SLC14A2: variants seen among roughly 807,000 people sequenced by gnomAD.
SLC14A2 encodes solute carrier family 14 member 2, also known as urea transporter 2.
In SLC14A2, 91 loss-of-function variants were observed where a neutral mutation model predicts 104.6. The observed-to-expected ratio is 0.87, with a 90% confidence interval of 0.73 to 1.04. The LOEUF (loss-of-function observed/expected upper bound fraction) is 1.04, where lower values mean the gene tolerates loss of function less well. Among genes scored for constraint, SLC14A2 ranks in the 50% least tolerant of loss-of-function variants. The probability of loss-of-function intolerance (pLI) is 0.00; values close to 1 mark genes in which losing one functional copy is unlikely to be tolerated. For synonymous variants in SLC14A2, 476 were observed against 466.4 expected (o/e 1.02, Z -0.27); for missense variants, 1,189 against 1,156.0 (o/e 1.03, Z -0.41).
intron 1 of SLC14A2, among the ~76,000 whole-genome samples, chr18:45,394,720 T>A (rs1419393832): frequency 6.6e-6 from 1 of 152,154 alleles, no homozygotes; most frequent in Non-Finnish European, 1.5e-5. Context: ...TTGTTGTTGT[T>A]GTTGAGTTGT....
intron 1 of SLC14A2, among the ~76,000 whole-genome samples, chr18:45,244,493 G>A (rs576020936): frequency 4.3e-4 from 65 of 152,222 alleles, no homozygotes; most frequent in Middle Eastern, 6.8e-3. Context: ...CGGGCGTGGT[G>A]GCACACCCTG....
At chr18:45,286,506 A>C (rs11660485) in intron 1 of SLC14A2, among the ~76,000 whole-genome samples, 12,120 of 152,254 alleles carry the variant, frequency 0.08, 683 homozygotes, top group African/African-American at 0.15. Flanking sequence ...GATGGATAAA[A>C]CTAAGACCAT....
At chr18:45,623,293 G>A (rs749021981) in intron 1 of SLC14A2, among the ~76,000 whole-genome samples, 6 of 152,204 alleles carry the variant, frequency 3.9e-5, no homozygotes, top group Non-Finnish European at 5.9e-5. Flanking sequence ...GTTCACTGGA[G>A]ATGAGAAGGA....
At chr18:45,413,318 C>T (rs190171026) in intron 1 of SLC14A2, among the ~76,000 whole-genome samples, 62 of 152,208 alleles carry the variant, frequency 4.1e-4, no homozygotes, top group South Asian at 2.7e-3. Context: ...CAGAAAAGGA[C>T]TTTTTTTCTT....
At chr18:45,293,349 TG>T (rs1409576177) in intron 1 of SLC14A2, among the ~76,000 whole-genome samples, 1 of 152,076 alleles carries the variant, frequency 6.6e-6, no homozygotes, top group African/African-American at 2.4e-5. Flanking sequence ...TTGCAGGTAC[TG>T]GGGGAAAAGT....
At chr18:45,412,938 G>T (rs114379194) in intron 1 of SLC14A2, among the ~76,000 whole-genome samples, 10 of 152,264 alleles carry the variant, frequency 6.6e-5, no homozygotes, top group African/African-American at 2.4e-4. Context: ...AGATCTTCTG[G>T]TTTTTCAAGA....
intron 1 of SLC14A2, among the ~76,000 whole-genome samples, chr18:45,215,156 A>C (rs999547908): frequency 2.0e-5 from 3 of 152,158 alleles, no homozygotes; most frequent in African/African-American, 7.2e-5. Context: ...CCATTGTGCC[A>C]GGAAAAAAAT....
Position 45,644,180 on chromosome 18 carries a change from G to A in SLC14A2, c.1351+20G>A, listed in dbSNP as rs1200766768. On this transcript the variant is annotated intron_variant, in intron 10 of 19. Coordinates refer to ENST00000255226, the MANE Select transcript of SLC14A2 (RefSeq NM_007163.4). ...CCAGCGGTGAATAGCCATGTTCGGG[G>A]AAGAAACGCTCTTTGCCTGACCTGA... The A allele has an allele frequency of 6.2e-7, 1 of 1,612,994 alleles. No homozygotes were observed. The highest frequency in any genetic ancestry group is 1.1e-5 in the South Asian group (1 of 90,962).
chr18:45,638,005 T>C lies in SLC14A2; in HGVS notation c.843+823T>C, dbSNP rs529117001. 3.9e-5 allele frequency among the ~76,000 whole-genome samples: 6 copies of C among 152,238 alleles called. No individual in the cohort carries two copies. In the South Asian group the frequency reaches 1.2e-3, roughly 32 times the overall value. The stretch of plus-strand genomic sequence containing the variant: ...ATAGATCCCAGCGGAGGAAGCTTCA[T>C]TCTAAACCCAGGCTCCATTCCAAGG... On this transcript the variant is annotated intron_variant, in intron 6 of 19. Transcript: ENST00000255226.
chr18:45,302,677 A>T (rs1467405996), intron 1 of SLC14A2, among the ~76,000 whole-genome samples: 3 of 152,254 alleles, frequency 2.0e-5, no homozygotes, highest in African/African-American at 7.2e-5. Context: ...CTATTATTGA[A>T]AGAAAAATAA....
chr18:45,245,444 T>C (rs139524639), intron 1 of SLC14A2, among the ~76,000 whole-genome samples: 34 of 152,316 alleles, frequency 2.2e-4, no homozygotes, highest in African/African-American at 8.2e-4. Flanking sequence ...TCAGACCCCA[T>C]AATTATCTGA....
chr18:45,398,841 T>G (rs2086064744), intron 1 of SLC14A2, among the ~76,000 whole-genome samples: 1 of 152,072 alleles, frequency 6.6e-6, no homozygotes, highest in South Asian at 2.1e-4. Context: ...AGAGAATAAA[T>G]AGTAATTGTT....
chr18:45,236,187 GTA>G (rs1314952161), intron 1 of SLC14A2, among the ~76,000 whole-genome samples: 1 of 52,588 alleles, frequency 1.9e-5, no homozygotes, highest in South Asian at 5.6e-4. Flanking sequence ...ATATATGTGT[GTA>G]TATATGTGTA....
chr18:45,226,747 A>G (rs534501122), intron 1 of SLC14A2, among the ~76,000 whole-genome samples: 2 of 152,200 alleles, frequency 1.3e-5, no homozygotes, highest in African/African-American at 4.8e-5. Context: ...GCACACCAAC[A>G]TGGCACATGT....
At chr18:45,555,463 G>A (rs1485805986) in intron 2 of SLC14A2, among the ~76,000 whole-genome samples, 1 of 152,108 alleles carries the variant, frequency 6.6e-6, no homozygotes, top group African/African-American at 2.4e-5. Flanking sequence ...TATAAGTTGG[G>A]GAGCAGCTGT....
At chr18:45,380,539 T>G (rs1034056253) in intron 1 of SLC14A2, among the ~76,000 whole-genome samples, 1 of 152,198 alleles carries the variant, frequency 6.6e-6, no homozygotes, top group South Asian at 2.1e-4. Flanking sequence ...ATTTCTATAG[T>G]GAGAATGAGA....
chr18:45,268,268 C>T (rs569141823), intron 1 of SLC14A2, among the ~76,000 whole-genome samples: 2 of 152,308 alleles, frequency 1.3e-5, no homozygotes, highest in African/African-American at 2.4e-5. Flanking sequence ...CTAAGCCCTA[C>T]ACTAGGATCT....
At chr18:45,259,692 A>G (rs1443734856) in intron 1 of SLC14A2, among the ~76,000 whole-genome samples, 1 of 152,200 alleles carries the variant, frequency 6.6e-6, no homozygotes, top group Non-Finnish European at 1.5e-5. Context: ...TGCACTTTAG[A>G]TATTGAAAAT....
chr18:45,282,248 A>G lies in SLC14A2; in HGVS notation c.-125+69057A>G, dbSNP rs374853840. Among the ~76,000 whole-genome samples, 89 of 152,240 alleles carry G rather than the reference A, an allele frequency of 5.8e-4. No individual in the cohort carries two copies. The South Asian group carries it at 0.018, about 31-fold the overall frequency. On this transcript the variant is annotated intron_variant, in intron 1 of 20. Transcript: ENST00000586448. ...AGTCCAGGCTGGCTTGAAATGACCTAAAGAGTCAACTGTGAGTGAGAGAAG... is the reference window on the plus strand; with the variant it reads ...AGTCCAGGCTGGCTTGAAATGACCTGAAGAGTCAACTGTGAGTGAGAGAAG...
Sources: allele counts gnomAD v4.1 joint callset (sites outside exome capture counted in the v4.1 genomes callset), GRCh38; gene constraint gnomAD v4.1.1; transcripts MANE v1.5; gene names NCBI Gene and HGNC (gene_info 2026-07-23, HGNC 2026-07-21).